Variants in RHOBTB1 observed in about 807,000 individuals in gnomAD.
The protein encoded by RHOBTB1 is Rho related BTB domain containing 1, also known as rho-related BTB domain-containing protein 1.
Under a neutral mutation model 71.6 loss-of-function variants are expected in RHOBTB1, and 40 were observed. That is an observed-to-expected ratio of 0.56 (90% CI 0.43 to 0.73). The LOEUF is 0.73. Among genes scored for constraint, RHOBTB1 ranks in the 30% least tolerant of loss-of-function variants. RHOBTB1 has a pLI of 0.00. For missense variants in RHOBTB1, 797 were observed against 894.0 expected (o/e 0.89, Z 1.38); for synonymous variants, 319 against 334.9 (o/e 0.95, Z 0.52).
chr10:60,915,779 C>A (rs2083239924), intron 2 of RHOBTB1, among the ~76,000 whole-genome samples: 1 of 152,154 alleles, frequency 6.6e-6, no homozygotes, highest in South Asian at 2.1e-4. Context: ...GCTATTATTG[C>A]TGTCATCTCC....
At chr10:60,901,229 T>C (rs1426030698) in intron 4 of RHOBTB1, among the ~76,000 whole-genome samples, 1 of 152,218 alleles carries the variant, frequency 6.6e-6, no homozygotes, top group Non-Finnish European at 1.5e-5. Context: ...TTATTCTCTC[T>C]AGGCTGAGGG....
chr10:60,954,640 T>C (rs908101340), intron 2 of RHOBTB1, among the ~76,000 whole-genome samples: 1 of 152,206 alleles, frequency 6.6e-6, no homozygotes, highest in Non-Finnish European at 1.5e-5. Flanking sequence ...GTATTCTTAT[T>C]TGATAAATCT....
At chr10:60,995,501 T>C (rs1057328341) in intron 1 of RHOBTB1, among the ~76,000 whole-genome samples, 2 of 152,216 alleles carry the variant, frequency 1.3e-5, no homozygotes, top group African/African-American at 4.8e-5. Context: ...TTTATCTTAC[T>C]GTTTAAAAGG....
At chr10:60,896,411 C>T (rs1325572922) in intron 4 of RHOBTB1, among the ~76,000 whole-genome samples, 1 of 152,164 alleles carries the variant, frequency 6.6e-6, no homozygotes, top group African/African-American at 2.4e-5. Context: ...CCTGTTTCAG[C>T]TGTAAAAGAA....
chr10:60,912,186 AAT>A (rs1025363132), intron 2 of RHOBTB1, among the ~76,000 whole-genome samples: 11 of 147,012 alleles, frequency 7.5e-5, no homozygotes, highest in African/African-American at 2.1e-4. Flanking sequence ...ATAATTCATA[AAT>A]ATATATGTGT....
intron 4 of RHOBTB1, among the ~76,000 whole-genome samples, chr10:60,898,614 A>G (rs2082269056): frequency 6.6e-6 from 1 of 152,216 alleles, no homozygotes; most frequent in South Asian, 2.1e-4. Context: ...ATCTGGGGAT[A>G]GCAGGGCAGA....
chr10:60,989,746 C>G (rs934716902), intron 1 of RHOBTB1, among the ~76,000 whole-genome samples: 7 of 152,110 alleles, frequency 4.6e-5, no homozygotes, highest in African/African-American at 1.7e-4. Context: ...TCAGGGAAGT[C>G]CCCAGACATG....
At chr10:60,923,071 T>G in intron 2 of RHOBTB1, among the ~76,000 whole-genome samples, 1 of 152,222 alleles carries the variant, frequency 6.6e-6, no homozygotes, top group African/African-American at 2.4e-5. Flanking sequence ...AGCCCTACCT[T>G]GATCTTTCAC....
rs147434029 is a variant in RHOBTB1 at position 60,892,818 on chromosome 10, C to G, written c.474G>C (p.Pro158=). Residue 158 remains proline, a synonymous_variant, in exon 5 of 11, where the codon CCG becomes CCC. Coordinates refer to ENST00000337910, the MANE Select transcript of RHOBTB1 (RefSeq NM_014836.5). The stretch of plus-strand genomic sequence containing the variant: ...TGAGTCCCTTGGCTTACCTTGCTAA[C>G]GGGCGCCTGGCTCGATTAACAGCTT... ...DLEAVNRARR[P]LARPIKRGDI... is the part of the protein sequence containing the mutation. 1.2e-6 allele frequency: 2 copies of G among 1,611,846 alleles called. No homozygotes were observed. The highest frequency in any genetic ancestry group is 1.1e-5 in the South Asian group (1 of 90,616).
At position 60,934,556 on chromosome 10, in the gene RHOBTB1, T is replaced by C. The variant is rs973129978; in HGVS notation, c.-11+7248A>G. ...GTCAGAAGAGAGTCCCTGGTCTACTTCAAATAAATAGAGTTTAAAGAATAT... is the reference window on the plus strand; with the variant it reads ...GTCAGAAGAGAGTCCCTGGTCTACTCCAAATAAATAGAGTTTAAAGAATAT... On this transcript the variant is annotated intron_variant, in intron 2 of 10. Transcript: ENST00000337910. Among the ~76,000 whole-genome samples, 11 of 152,328 alleles carry C rather than the reference T, an allele frequency of 7.2e-5. No homozygotes were observed. In the East Asian group the frequency reaches 1.2e-3, roughly 16 times the overall value.
At position 60,875,011 on chromosome 10, in the gene RHOBTB1, G is replaced by C. The variant is rs149464147; in HGVS notation, c.1758C>G (p.Ala586=). 1 of 1,613,988 alleles carries C rather than the reference G, an allele frequency of 6.2e-7. No homozygotes were observed. Among genetic ancestry groups the C allele is most frequent in the Non-Finnish European group, 8.5e-7 (1 of 1,179,966 alleles). Residue 586 remains alanine (A), a synonymous_variant, in exon 9 of 11, where the codon GCC becomes GCG. Coordinates refer to ENST00000337910, the MANE Select transcript of RHOBTB1 (RefSeq NM_014836.5). The stretch of plus-strand genomic sequence containing the variant: ...CGTCAATGCCCACGCCACTCGTGGC[G>C]GCTTTGGTCAACTCCTGAACGGCAT... ...EQHAVQELTK[A]ATSGVGIDGE...
intron 2 of RHOBTB1, among the ~76,000 whole-genome samples, chr10:60,912,247 A>T (rs570972199): frequency 1.3e-4 from 20 of 152,080 alleles, no homozygotes; most frequent in African/African-American, 4.3e-4. Context: ...ATATATATGT[A>T]TATGGAATCT....
At chr10:60,874,211 C>T (rs893976731) in intron 9 of RHOBTB1, among the ~76,000 whole-genome samples, 1 of 152,240 alleles carries the variant, frequency 6.6e-6, no homozygotes, top group African/African-American at 2.4e-5. Flanking sequence ...TCTTAGTTTC[C>T]TCAGAGTGTA....
intron 2 of RHOBTB1, among the ~76,000 whole-genome samples, chr10:60,928,754 A>G (rs549100288): frequency 6.6e-6 from 1 of 152,348 alleles, no homozygotes; most frequent in African/African-American, 2.4e-5. Context: ...AATTTATTGT[A>G]TAGTTAAAAA....
At chr10:60,890,151 T>A (rs1589204470) in intron 5 of RHOBTB1, among the ~76,000 whole-genome samples, 1 of 152,268 alleles carries the variant, frequency 6.6e-6, no homozygotes, top group Middle Eastern at 3.4e-3. Flanking sequence ...CCACTTCTAG[T>A]TAAATGATCC....
intron 8 of RHOBTB1, among the ~76,000 whole-genome samples, chr10:60,876,051 G>A (rs1009701784): frequency 2.6e-5 from 4 of 152,072 alleles, no homozygotes; most frequent in South Asian, 2.1e-4. Flanking sequence ...ATACAGTATC[G>A]GGAATGGAAT....
At chr10:60,914,006 A>G (rs1401650904) in intron 2 of RHOBTB1, among the ~76,000 whole-genome samples, 1 of 152,208 alleles carries the variant, frequency 6.6e-6, no homozygotes, top group Non-Finnish European at 1.5e-5. Flanking sequence ...TCTTCAGATG[A>G]CAACAAAATT....
chr10:60,987,120 C>T (rs1268306798), intron 1 of RHOBTB1, among the ~76,000 whole-genome samples: 2 of 152,182 alleles, frequency 1.3e-5, no homozygotes, highest in Non-Finnish European at 1.5e-5. Flanking sequence ...AAGGCACAAC[C>T]TAGTGATTAT....
intron 7 of RHOBTB1, among the ~76,000 whole-genome samples, chr10:60,883,826 T>C (rs1410660275): frequency 6.6e-6 from 1 of 152,212 alleles, no homozygotes; most frequent in East Asian, 1.9e-4. Context: ...GTTTTCCAGA[T>C]CAGGATACTA....
Sources: gnomAD v4.1 joint callset for allele counts (sites outside exome capture counted in the v4.1 genomes callset) on GRCh38, gnomAD v4.1.1 for gene constraint, MANE v1.5 for transcripts, NCBI Gene and HGNC (gene_info 2026-07-23, HGNC 2026-07-21) for gene names.